The following KCNH1 variants were observed in gnomAD, a reference collection of about 807,000 sequenced individuals.
The protein encoded by KCNH1 is potassium voltage-gated channel subfamily H member 1.
In KCNH1, 27 loss-of-function variants were observed where a neutral mutation model predicts 69.2. The ratio of observed to expected loss-of-function variants is 0.39; its 90% CI spans 0.29 to 0.54. KCNH1 has a LOEUF of 0.54. Among genes scored for constraint, KCNH1 ranks in the 20% least tolerant of loss-of-function variants. The pLI is 0.68. For synonymous variants in KCNH1, 456 were observed against 487.7 expected, an observed-to-expected ratio of 0.93 and a Z score of 0.86; for missense variants, 798 against 1,261.6, an observed-to-expected ratio of 0.63 and a Z score of 5.57.
chr1:211,101,916 C>A (rs1691265365), intron 3 of KCNH1, among the ~76,000 whole-genome samples: 1 of 152,150 alleles, frequency 6.6e-6, no homozygotes, highest in Non-Finnish European at 1.5e-5. Context: ...TTTAGTATCA[C>A]CCATAAAGTA....
intron 7 of KCNH1, among the ~76,000 whole-genome samples, chr1:210,805,931 GA>G (rs1248441313): frequency 6.6e-6 from 1 of 152,008 alleles, no homozygotes; most frequent in Non-Finnish European, 1.5e-5. Context: ...TTTTTAATTT[GA>G]ACACTACTCT....
intron 6 of KCNH1, among the ~76,000 whole-genome samples, chr1:210,941,122 G>A (rs1434901056): frequency 6.6e-6 from 1 of 152,170 alleles, no homozygotes; most frequent in Non-Finnish European, 1.5e-5. Flanking sequence ...GGAAAGCATC[G>A]CCTTGACTAG....
chr1:210,939,513 G>A (rs1687841530), intron 6 of KCNH1, among the ~76,000 whole-genome samples: 1 of 152,134 alleles, frequency 6.6e-6, no homozygotes, highest in Non-Finnish European at 1.5e-5. Context: ...AGGCAGGATT[G>A]GCATTTGTCA....
intron 6 of KCNH1, among the ~76,000 whole-genome samples, chr1:210,974,902 T>TATC (rs983672231): frequency 1.3e-5 from 2 of 152,176 alleles, no homozygotes; most frequent in Non-Finnish European, 2.9e-5. Context: ...TTATCATACA[T>TATC]ATCACATCTA....
chr1:210,873,943 T>C (rs1686309321), intron 7 of KCNH1, among the ~76,000 whole-genome samples: 4 of 152,210 alleles, frequency 2.6e-5, no homozygotes, highest in Admixed American at 2.6e-4. Context: ...ATGATTCTAA[T>C]ATGCAGTCAA....
chr1:210,723,956 T>G (rs917405760), intron 10 of KCNH1, among the ~76,000 whole-genome samples: 2 of 152,200 alleles, frequency 1.3e-5, no homozygotes, highest in Non-Finnish European at 2.9e-5. Context: ...TATCTATAGC[T>G]TCTCACATTT....
At chr1:210,964,454 T>C (rs1288568632) in intron 6 of KCNH1, among the ~76,000 whole-genome samples, 1 of 151,808 alleles carries the variant, frequency 6.6e-6, no homozygotes, top group Non-Finnish European at 1.5e-5. Flanking sequence ...AAAACTACCA[T>C]CAGAGAATAC....
At chr1:210,888,459 A>G (rs1008574311) in intron 7 of KCNH1, among the ~76,000 whole-genome samples, 10 of 152,246 alleles carry the variant, frequency 6.6e-5, no homozygotes, top group South Asian at 6.2e-4. Flanking sequence ...GAAAGCAGGA[A>G]AGATCCAAAA....
intron 7 of KCNH1, among the ~76,000 whole-genome samples, chr1:210,914,068 T>C (rs1687289226): frequency 6.6e-6 from 1 of 152,198 alleles, no homozygotes; most frequent in Non-Finnish European, 1.5e-5. Context: ...CCTGGGTCTC[T>C]GACAACTGCA....
At chr1:210,917,260 AAAGAAAGAAAGAAAG>A (rs1238730212) in intron 7 of KCNH1, among the ~76,000 whole-genome samples, 2 of 149,814 alleles carry the variant, frequency 1.3e-5, no homozygotes, top group African/African-American at 5.0e-5. Flanking sequence ...AGAAAGAAAG[AAAGAAAGAAAGAAAG>A]AAAGAAAAGA....
chr1:210,985,495 C>T (rs552060086), intron 6 of KCNH1, among the ~76,000 whole-genome samples: 6 of 152,094 alleles, frequency 3.9e-5, no homozygotes, highest in Non-Finnish European at 7.4e-5. Context: ...TTTGTTCTCG[C>T]TGGTTTCAAA....
At chr1:211,048,559 T>C (rs1312360541) in intron 5 of KCNH1, among the ~76,000 whole-genome samples, 1 of 151,564 alleles carries the variant, frequency 6.6e-6, no homozygotes, top group African/African-American at 2.4e-5. Flanking sequence ...CTGGATGGAG[T>C]TGGAGACCAT....
intron 6 of KCNH1, among the ~76,000 whole-genome samples, chr1:210,965,380 G>C (rs1036710229): frequency 2.6e-5 from 4 of 152,130 alleles, no homozygotes; most frequent in African/African-American, 9.7e-5. Context: ...ATCTCCTTAA[G>C]CTGATAAGCA....
intron 7 of KCNH1, among the ~76,000 whole-genome samples, chr1:210,843,966 A>G (rs1685480261): frequency 6.6e-6 from 1 of 152,188 alleles, no homozygotes; most frequent in Admixed American, 6.6e-5. Context: ...ATATCAACTA[A>G]TAATTTTTTC....
At chr1:211,031,016 T>C (rs1689773334) in intron 5 of KCNH1, among the ~76,000 whole-genome samples, 1 of 151,994 alleles carries the variant, frequency 6.6e-6, no homozygotes, top group African/African-American at 2.4e-5. Flanking sequence ...ATTCAGGAAA[T>C]GCAAATTAAA....
intron 5 of KCNH1, among the ~76,000 whole-genome samples, chr1:211,070,430 A>AAACAC (rs1553376624): frequency 2.2e-5 from 3 of 137,164 alleles, no homozygotes; most frequent in African/African-American, 8.3e-5. Context: ...AAAAAAAAAA[A>AAACAC]ACACACACAC....
chr1:210,988,153 G>A (rs758346646), intron 6 of KCNH1, among the ~76,000 whole-genome samples: 1 of 152,208 alleles, frequency 6.6e-6, no homozygotes, highest in Non-Finnish European at 1.5e-5. Context: ...TAGGGTGGGA[G>A]TGATCCAATT....
intron 6 of KCNH1, among the ~76,000 whole-genome samples, chr1:211,008,408 T>C (rs989645422): frequency 7.2e-5 from 11 of 152,222 alleles, no homozygotes; most frequent in Admixed American, 6.5e-4. Flanking sequence ...AACAAAATGT[T>C]TATTTTATTA....
intron 10 of KCNH1, among the ~76,000 whole-genome samples, chr1:210,766,088 T>C (rs909835215): frequency 1.3e-5 from 2 of 151,808 alleles, no homozygotes; most frequent in African/African-American, 4.8e-5. Flanking sequence ...AAAAAGAATG[T>C]ATAGCAGTAA....
Sources: allele counts gnomAD v4.1 joint callset (sites outside exome capture counted in the v4.1 genomes callset), GRCh38; gene constraint gnomAD v4.1.1; transcripts MANE v1.5; gene names NCBI Gene and HGNC (gene_info 2026-07-23, HGNC 2026-07-21).